FAM114A1: variants seen among roughly 807,000 people sequenced by gnomAD.
The protein encoded by FAM114A1 is family with sequence similarity 114 member A1.
In FAM114A1, 62 loss-of-function variants were observed where a neutral mutation model predicts 64.3. That is an observed-to-expected ratio of 0.96 (90% CI 0.79 to 1.19). FAM114A1 has a LOEUF of 1.19. FAM114A1 is among the 50% of genes most tolerant of loss of function. The probability of loss-of-function intolerance (pLI) is 0.00; values close to 1 mark genes in which losing one functional copy is unlikely to be tolerated. For missense variants in FAM114A1, 645 were observed against 676.3 expected (o/e 0.95, Z 0.51); for synonymous variants, 254 against 251.1 (o/e 1.01, Z -0.11).
At chr4:38,908,199 A>C (rs544545581) in intron 6 of FAM114A1, among the ~76,000 whole-genome samples, 1 of 151,940 alleles carries the variant, frequency 6.6e-6, no homozygotes, top group African/African-American at 2.4e-5. Flanking sequence ...GGGTTAAAAA[A>C]ATTTTTAAAC....
At chr4:38,890,974 G>A (rs1476404548) in intron 3 of FAM114A1, among the ~76,000 whole-genome samples, 1 of 152,186 alleles carries the variant, frequency 6.6e-6, no homozygotes, top group Non-Finnish European at 1.5e-5. Context: ...TCTCCATTCT[G>A]CTCACTCTGC....
intron 8 of FAM114A1, 44 bp from the exon 9 acceptor site, chr4:38,922,726 G>T: frequency 6.3e-7 from 1 of 1,583,188 alleles, no homozygotes; most frequent in South Asian, 1.2e-5. Flanking sequence ...CGTTATTAAC[G>T]AGAAGAAAAG....
chr4:38,908,527 G>A, intron 6 of FAM114A1, 65 bp from the exon 7 acceptor site: 1 of 1,480,968 alleles, frequency 6.8e-7, no homozygotes, highest in Non-Finnish European at 9.2e-7. Flanking sequence ...TTACCTAGGA[G>A]TTGCTGACTG....
Position 38,943,762 on chromosome 4 carries a change from G to A in FAM114A1, c.*205G>A, listed in dbSNP as rs1721761508. On this transcript the variant is annotated 3_prime_UTR_variant, in exon 15 of 15. Coordinates refer to ENST00000358869, the MANE Select transcript of FAM114A1 (RefSeq NM_138389.4). ...TGTATAATTGTTTTTACAAACAATT[G>A]TGTTTTCTTTATGTTAATTTAAACT... is the stretch of plus-strand genomic sequence containing the variant. 5 of 425,342 alleles carry A rather than the reference G, an allele frequency of 1.2e-5. No individual in the cohort carries two copies. In the East Asian group the frequency reaches 1.4e-4, roughly 12 times the overall value. The allele number at this position is 425,342 out of a possible 1,614,324, so 26.3% of individuals were successfully genotyped here.
intron 8 of FAM114A1, among the ~76,000 whole-genome samples, chr4:38,915,290 G>T (rs1409690041): frequency 6.6e-6 from 1 of 152,066 alleles, no homozygotes; most frequent in South Asian, 2.1e-4. Flanking sequence ...CTCCAAAAAG[G>T]CCTGCACAGT....
chr4:38,900,540 C>T (rs1333878338), intron 4 of FAM114A1, among the ~76,000 whole-genome samples: 2 of 152,156 alleles, frequency 1.3e-5, no homozygotes. Flanking sequence ...GTGGTCTTTA[C>T]ATACAAGGGA....
chr4:38,880,978 A>G (rs6838404), intron 3 of FAM114A1, among the ~76,000 whole-genome samples: 5,377 of 152,258 alleles, frequency 0.035, 295 homozygotes, highest in African/African-American at 0.12. Context: ...TGAGGTCAGG[A>G]GTTCGAGACC....
chr4:38,937,471 A>G (rs1256679503), intron 13 of FAM114A1, among the ~76,000 whole-genome samples: 1 of 152,100 alleles, frequency 6.6e-6, no homozygotes, highest in African/African-American at 2.4e-5. Context: ...GCTTATAAGG[A>G]CACCAGGCCT....
intron 4 of FAM114A1, among the ~76,000 whole-genome samples, chr4:38,892,115 GC>G (rs1397963440): frequency 1.3e-5 from 2 of 152,276 alleles, no homozygotes; most frequent in East Asian, 3.9e-4. Context: ...CAATTTAAAA[GC>G]CAAGTAGTAT....
intron 13 of FAM114A1, among the ~76,000 whole-genome samples, chr4:38,939,865 A>T (rs1359155464): frequency 6.7e-6 from 1 of 149,406 alleles, no homozygotes; most frequent in East Asian, 2.0e-4. Context: ...AATGATACCA[A>T]CTCTGCCTTT....
chr4:38,943,615 C>T lies in FAM114A1; in HGVS notation c.*58C>T. ...GCTGGCCGCCTTGCCTCAATATGTACCATTTAAGGGGATGTTCTCTGTGCG... is the reference window on the plus strand; with the variant it reads ...GCTGGCCGCCTTGCCTCAATATGTATCATTTAAGGGGATGTTCTCTGTGCG... On this transcript the variant is annotated 3_prime_UTR_variant, in exon 15 of 15. Coordinates refer to ENST00000358869, the MANE Select transcript of FAM114A1 (RefSeq NM_138389.4). The T allele has an allele frequency of 1.4e-6, 2 of 1,440,366 alleles. No individual in the cohort carries two copies. Among genetic ancestry groups the T allele is most frequent in the Non-Finnish European group, 9.8e-7 (1 of 1,024,294 alleles). 89.2% of individuals were successfully genotyped at this position (1,440,366 alleles called of 1,614,324 possible). A position where few individuals can be genotyped will look rare whatever the true frequency, so the allele number is the denominator to read the frequency against.
chr4:38,871,004 G>A (rs1714008499), intron 2 of FAM114A1, among the ~76,000 whole-genome samples: 2 of 151,628 alleles, frequency 1.3e-5, no homozygotes, highest in South Asian at 4.2e-4. Flanking sequence ...CCTGTAACAA[G>A]TAGAGATAAA....
chr4:38,879,332 G>A (rs1373872380), intron 3 of FAM114A1, among the ~76,000 whole-genome samples: 2 of 152,194 alleles, frequency 1.3e-5, no homozygotes, highest in Admixed American at 1.3e-4. Context: ...TGACTCTGCA[G>A]CATGATGTGA....
intron 6 of FAM114A1, 145 bp downstream of exon 6, chr4:38,906,006 T>C (rs1039768541): frequency 1.5e-6 from 1 of 660,426 alleles, no homozygotes; most frequent in Admixed American, 3.5e-5. Flanking sequence ...TAATGTTTTC[T>C]GCTACAAAGT....
chr4:38,870,128 G>A (rs1472822412), intron 2 of FAM114A1, among the ~76,000 whole-genome samples: 1 of 152,164 alleles, frequency 6.6e-6, no homozygotes, highest in Non-Finnish European at 1.5e-5. Context: ...CTTGACGCCT[G>A]CAGGACACAA....
At chr4:38,894,812 C>T (rs1716757834) in intron 4 of FAM114A1, among the ~76,000 whole-genome samples, 1 of 152,068 alleles carries the variant, frequency 6.6e-6, no homozygotes, top group Non-Finnish European at 1.5e-5. Context: ...AAGGAATTAC[C>T]ACAGTTAAAG....
At chr4:38,935,626 G>A (rs1721012753) in intron 12 of FAM114A1, 92 bp from the exon 13 acceptor site, 1 of 854,366 alleles carries the variant, frequency 1.2e-6, no homozygotes, top group African/African-American at 1.7e-5. Flanking sequence ...TCTTTTAAAT[G>A]TCATACTGAA....
chr4:38,882,171 G>A (rs1443676921), intron 3 of FAM114A1, among the ~76,000 whole-genome samples: 1 of 147,072 alleles, frequency 6.8e-6, no homozygotes, highest in Non-Finnish European at 1.5e-5. Flanking sequence ...AATTAGCCGG[G>A]CGCGGTGGTG....
chr4:38,939,904 T>TG lies in FAM114A1; in HGVS notation c.1537-1063dup, dbSNP rs374900891. On this transcript the variant is annotated intron_variant, in intron 13 of 14. Coordinates refer to ENST00000358869, the MANE Select transcript of FAM114A1 (RefSeq NM_138389.4). The stretch of plus-strand genomic sequence containing the variant: ...TTTCTTTCTTTTTTTTTTTTTTTTT[T>TG]GTTAGACGGAGTCTTACTCTGTCAC... 6.9e-3 allele frequency among the ~76,000 whole-genome samples: 1,013 copies of TG among 147,060 alleles called. 6 individuals carry two copies. Among genetic ancestry groups the TG allele is most frequent in the Non-Finnish European group, 0.012 (812 of 65,934 alleles).
Sources: gnomAD v4.1 joint callset for allele counts (sites outside exome capture counted in the v4.1 genomes callset) on GRCh38, gnomAD v4.1.1 for gene constraint, MANE v1.5 for transcripts, NCBI Gene and HGNC (gene_info 2026-07-23, HGNC 2026-07-21) for gene names.